The following ANKS1B variants were observed in gnomAD, a reference collection of about 807,000 sequenced individuals.
The protein encoded by ANKS1B is ankyrin repeat and sterile alpha motif domain-containing protein 1B.
A neutral mutation model predicts 148.3 loss-of-function variants in ANKS1B; 36 were observed. That is an observed-to-expected ratio of 0.24 (90% CI 0.19 to 0.32). ANKS1B has a LOEUF of 0.32. ANKS1B is among the 10% of genes least tolerant of loss of function. ANKS1B has a pLI of 1.00. For missense variants in ANKS1B, 1,157 were observed against 1,542.6 expected, an observed-to-expected ratio of 0.75 and a Z score of 4.19; for synonymous variants, 542 against 560.8, an observed-to-expected ratio of 0.97 and a Z score of 0.47.
intron 25 of ANKS1B, among the ~76,000 whole-genome samples, chr12:98,761,051 G>A (rs1370840490): frequency 6.6e-6 from 1 of 152,190 alleles, no homozygotes; most frequent in African/African-American, 2.4e-5. Flanking sequence ...GAGGAGGAAT[G>A]ACCATCCTCA....
intron 1 of ANKS1B, among the ~76,000 whole-genome samples, chr12:99,854,871 C>T (rs2088702214): frequency 6.6e-6 from 1 of 152,042 alleles, no homozygotes. Flanking sequence ...ACTACCAAGC[C>T]AGCACTAAAA....
intron 16 of ANKS1B, among the ~76,000 whole-genome samples, chr12:99,084,524 A>G (rs985735093): frequency 8.5e-5 from 13 of 152,184 alleles, no homozygotes; most frequent in African/African-American, 2.7e-4. Context: ...CCTGGCCAAC[A>G]TGGCAAAATC....
intron 14 of ANKS1B, among the ~76,000 whole-genome samples, chr12:99,233,964 T>G (rs959334151): frequency 9.9e-5 from 15 of 152,140 alleles, no homozygotes; most frequent in Non-Finnish European, 2.1e-4. Flanking sequence ...AAAAAAATGC[T>G]GAGACAAAAT....
chr12:99,788,598 G>A (rs893840822), intron 4 of ANKS1B, among the ~76,000 whole-genome samples: 2 of 152,118 alleles, frequency 1.3e-5, no homozygotes, highest in African/African-American at 2.4e-5. Flanking sequence ...GAAAAGTAAA[G>A]GGGCCTTTGC....
At chr12:99,537,907 T>C (rs1422841443) in intron 9 of ANKS1B, among the ~76,000 whole-genome samples, 1 of 152,178 alleles carries the variant, frequency 6.6e-6, no homozygotes, top group Non-Finnish European at 1.5e-5. Context: ...GATTTAAGTC[T>C]TAATTCATTT....
At chr12:99,364,147 A>T (rs764423295) in intron 12 of ANKS1B, among the ~76,000 whole-genome samples, 283 of 152,142 alleles carry the variant, frequency 1.9e-3, no homozygotes, top group Middle Eastern at 0.014. Context: ...CAAATATTTT[A>T]TTTTTTGCAG....
At chr12:98,886,487 A>G (rs1455426533) in intron 17 of ANKS1B, among the ~76,000 whole-genome samples, 2 of 152,228 alleles carry the variant, frequency 1.3e-5, no homozygotes, top group African/African-American at 4.8e-5. Flanking sequence ...ACTAATAGAT[A>G]TGGAAGAGAT....
chr12:99,033,859 C>G (rs1431271900), intron 17 of ANKS1B, among the ~76,000 whole-genome samples: 1 of 152,094 alleles, frequency 6.6e-6, no homozygotes, highest in Non-Finnish European at 1.5e-5. Flanking sequence ...AGAGTAGAAA[C>G]CAATATATGC....
rs1047310712 is a variant in ANKS1B at position 99,246,667 on chromosome 12, G to T, written c.1954C>A (p.Pro652Thr). The change falls in exon 13 of 27, where the codon CCA becomes ACA. Residue 652 changes from proline (P) to threonine (T), a missense_variant. By Grantham distance (38) the Pro-to-Thr change is conservative. Transcript: ENST00000683438. ...AAAGGTTCTGAGTTATTTTCTATTGGAGACTGCTTGAAAGGCAAAGGACTG... is the reference window on the plus strand; with the variant it reads ...AAAGGTTCTGAGTTATTTTCTATTGTAGACTGCTTGAAAGGCAAAGGACTG... ...ANSPLPFKQS[P>T]IENNSEPLVK... 6 of 1,613,856 alleles carry T rather than the reference G, an allele frequency of 3.7e-6. No homozygotes were observed. In the Middle Eastern group the frequency reaches 6.6e-4, roughly 178 times the overall value.
chr12:99,050,816 C>T (rs1443307539), intron 17 of ANKS1B, among the ~76,000 whole-genome samples: 5 of 150,994 alleles, frequency 3.3e-5, no homozygotes, highest in African/African-American at 9.7e-5. Flanking sequence ...CTCAGCCTCC[C>T]GAGTAGCTGG....
In ANKS1B at chr12:98,898,721, C is replaced by A. The variant is rs1240235522; in HGVS notation, c.2779-66585G>T. On this transcript the variant is annotated intron_variant, in intron 17 of 26. Transcript: ENST00000683438. ...ATATAGTCTGATGTAATATGTAGCT[C>A]ATGTTCATTTATGTGGAGTGTATCT... Among the ~76,000 whole-genome samples, 3 of 152,226 alleles carry A rather than the reference C, an allele frequency of 2.0e-5. No homozygotes were observed. The East Asian group carries it at 5.8e-4, about 29-fold the overall frequency.
chr12:99,218,200 A>T (rs2084532720), intron 14 of ANKS1B, among the ~76,000 whole-genome samples: 1 of 152,312 alleles, frequency 6.6e-6, no homozygotes, highest in East Asian at 1.9e-4. Flanking sequence ...GAATTTAAAA[A>T]AAGTCATTTT....
chr12:98,975,512 G>T (rs1003847754), intron 17 of ANKS1B, among the ~76,000 whole-genome samples: 1 of 152,054 alleles, frequency 6.6e-6, no homozygotes, highest in South Asian at 2.1e-4. Context: ...AAGGGTGCAC[G>T]AAATAAAGTC....
chr12:99,654,585 A>G (rs186135627), intron 9 of ANKS1B, among the ~76,000 whole-genome samples: 4 of 152,314 alleles, frequency 2.6e-5, no homozygotes, highest in Non-Finnish European at 4.4e-5. Flanking sequence ...CTAATAGTCA[A>G]TATTTTAGTG....
chr12:99,458,742 C>T (rs148038637), intron 10 of ANKS1B, among the ~76,000 whole-genome samples: 221 of 151,894 alleles, frequency 1.5e-3, no homozygotes, highest in Middle Eastern at 3.4e-3. Context: ...AGACCAACAA[C>T]AAGCAGCAAG....
At chr12:99,677,844 G>A (rs10860487) in intron 8 of ANKS1B, among the ~76,000 whole-genome samples, 34,976 of 151,722 alleles carry the variant, frequency 0.23, 4,736 homozygotes, top group Non-Finnish European at 0.3. Context: ...GTGGTGGCAC[G>A]CGCCTGTAGT....
At chr12:99,640,759 GAATGGATCAATGGATA>G (rs1234494697) in intron 9 of ANKS1B, among the ~76,000 whole-genome samples, 3 of 152,212 alleles carry the variant, frequency 2.0e-5, no homozygotes, top group Non-Finnish European at 4.4e-5. Context: ...ATGGATGGAT[GAATGGATCAATGGATA>G]AATTGGTTGA....
chr12:98,934,244 A>C (rs2099816427), intron 17 of ANKS1B, among the ~76,000 whole-genome samples: 1 of 152,128 alleles, frequency 6.6e-6, no homozygotes, highest in Admixed American at 6.6e-5. Context: ...TCATTAGTTG[A>C]AGAGACTATC....
At chr12:98,778,159 A>C (rs551320614) in intron 24 of ANKS1B, among the ~76,000 whole-genome samples, 2 of 152,334 alleles carry the variant, frequency 1.3e-5, no homozygotes, top group African/African-American at 4.8e-5. Context: ...ACTGTTGAAG[A>C]ATAAAGTACG....
Sources: allele counts gnomAD v4.1 joint callset (sites outside exome capture counted in the v4.1 genomes callset), GRCh38; gene constraint gnomAD v4.1.1; transcripts MANE v1.5; gene names NCBI Gene and HGNC (gene_info 2026-07-23, HGNC 2026-07-21).